The following SND1 variants were observed in gnomAD, a reference collection of about 807,000 sequenced individuals.
SND1 encodes staphylococcal nuclease domain-containing protein 1.
SND1 carries 38 observed loss-of-function variants against 121.7 expected under a neutral mutation model. The ratio of observed to expected loss-of-function variants is 0.31; its 90% CI spans 0.24 to 0.41. The LOEUF is 0.41. SND1 is among the 10% of genes least tolerant of loss of function. The probability of loss-of-function intolerance (pLI) is 1.00; values close to 1 mark genes in which losing one functional copy is unlikely to be tolerated. For synonymous variants in SND1, 401 were observed against 447.4 expected (o/e 0.90, Z 1.31); for missense variants, 868 against 1,184.6 (o/e 0.73, Z 3.92).
chr7:127,663,701 G>A (rs1239730929), intron 1 of SND1, among the ~76,000 whole-genome samples: 2 of 152,024 alleles, frequency 1.3e-5, no homozygotes, highest in African/African-American at 2.4e-5. Context: ...ATTGGTTGCC[G>A]GCCCCGCCAA....
chr7:127,757,669 A>G (rs1797221874), intron 10 of SND1, among the ~76,000 whole-genome samples: 1 of 152,192 alleles, frequency 6.6e-6, no homozygotes, highest in Non-Finnish European at 1.5e-5. Flanking sequence ...GCATTTGGAT[A>G]TCTTTTGTGA....
At chr7:127,832,735 CGG>C in intron 11 of SND1, among the ~76,000 whole-genome samples, 1 of 152,170 alleles carries the variant, frequency 6.6e-6, no homozygotes, top group African/African-American at 2.4e-5. Context: ...CCCCAAGCCC[CGG>C]ACTGCGGACC....
At chr7:128,013,283 A>G (rs892065867) in intron 16 of SND1, among the ~76,000 whole-genome samples, 3 of 152,080 alleles carry the variant, frequency 2.0e-5, no homozygotes, top group South Asian at 2.1e-4. Context: ...CTTAGACCAC[A>G]TTGTCATTGT....
intron 1 of SND1, among the ~76,000 whole-genome samples, chr7:127,652,900 G>A (rs1795147182): frequency 6.6e-6 from 1 of 151,896 alleles, no homozygotes; most frequent in Admixed American, 6.6e-5. Flanking sequence ...GCTGTTACTT[G>A]ACTCCCAAGT....
chr7:127,930,614 C>CA (rs546093400), intron 15 of SND1, among the ~76,000 whole-genome samples: 233 of 152,070 alleles, frequency 1.5e-3, no homozygotes, highest in African/African-American at 5.1e-3. Context: ...AGAAGAGATG[C>CA]AAAAAAATTC....
At chr7:127,740,529 A>G (rs1047418334) in intron 10 of SND1, among the ~76,000 whole-genome samples, 2 of 152,236 alleles carry the variant, frequency 1.3e-5, no homozygotes, top group African/African-American at 4.8e-5. Flanking sequence ...CTGTAGCAAC[A>G]TGGCTCAATC....
chr7:127,826,850 A>G (rs1338557076), intron 11 of SND1, among the ~76,000 whole-genome samples: 1 of 152,144 alleles, frequency 6.6e-6, no homozygotes, highest in Non-Finnish European at 1.5e-5. Flanking sequence ...TCATTAACAG[A>G]ATTTGGAGGT....
Position 127,929,398 on chromosome 7 carries a change from C to G in SND1, c.1669+69C>G, listed in dbSNP as rs563218811. The G allele has an allele frequency of 1.5e-4, 226 of 1,530,630 alleles. 2 individuals are homozygous for G. The South Asian group carries it at 2.4e-3, about 16-fold the overall frequency. 94.8% of individuals were successfully genotyped at this position (1,530,630 alleles called of 1,614,324 possible). A position where few individuals can be genotyped will look rare whatever the true frequency, so the allele number is the denominator to read the frequency against. ...CCCTGGAAACCACATACCCTCCTTTCCCCCTGTGTTCTAGATAGGCCCTAG... is the reference window on the plus strand; with the variant it reads ...CCCTGGAAACCACATACCCTCCTTTGCCCCTGTGTTCTAGATAGGCCCTAG... On this transcript the variant is annotated intron_variant, in intron 15 of 23. Transcript: ENST00000354725.
chr7:127,993,694 T>C (rs1169137115), intron 16 of SND1, among the ~76,000 whole-genome samples: 3 of 152,246 alleles, frequency 2.0e-5, no homozygotes, highest in Non-Finnish European at 4.4e-5. Context: ...CCCCATCCCT[T>C]CCCTTTAAAG....
intron 15 of SND1, among the ~76,000 whole-genome samples, chr7:127,953,995 GA>G (rs1325998805): frequency 6.6e-6 from 1 of 152,192 alleles, no homozygotes; most frequent in Non-Finnish European, 1.5e-5. Flanking sequence ...TTAGATTTGG[GA>G]AATTGAATTG....
At chr7:128,053,496 C>T (rs937021315) in intron 16 of SND1, among the ~76,000 whole-genome samples, 1 of 151,998 alleles carries the variant, frequency 6.6e-6, no homozygotes, top group Non-Finnish European at 1.5e-5. Context: ...CCAGAGATTT[C>T]GGAAGGTAAT....
chr7:127,765,562 A>G (rs1797396272), intron 10 of SND1, among the ~76,000 whole-genome samples: 1 of 152,240 alleles, frequency 6.6e-6, no homozygotes, highest in Admixed American at 6.5e-5. Flanking sequence ...ATCTCTTGTA[A>G]GTGCTGAGAG....
intron 9 of SND1, among the ~76,000 whole-genome samples, chr7:127,710,016 C>G (rs1361673155): frequency 6.6e-6 from 1 of 150,378 alleles, no homozygotes; most frequent in African/African-American, 2.5e-5. Context: ...CAAAGTTGAT[C>G]ATAGTGTCTG....
intron 10 of SND1, among the ~76,000 whole-genome samples, chr7:127,782,449 G>A (rs1294123337): frequency 2.0e-5 from 3 of 152,120 alleles, no homozygotes; most frequent in Admixed American, 6.5e-5. Flanking sequence ...TCATGTTAAG[G>A]CATCATTAAA....
intron 16 of SND1, chr7:128,032,187 C>T (rs1422760079): frequency 2.0e-5 from 3 of 151,872 alleles, no homozygotes; most frequent in African/African-American, 7.2e-5. Context: ...CCCTCCGTCG[C>T]CTGCCTCGCG....
At chr7:127,826,593 T>C (rs974058809) in intron 11 of SND1, among the ~76,000 whole-genome samples, 4 of 152,230 alleles carry the variant, frequency 2.6e-5, no homozygotes, top group Non-Finnish European at 5.9e-5. Context: ...TTTTATCTCA[T>C]TGAAAAAGTC....
At chr7:127,873,293 G>A (rs1799631736) in intron 12 of SND1, among the ~76,000 whole-genome samples, 1 of 152,048 alleles carries the variant, frequency 6.6e-6, no homozygotes, top group African/African-American at 2.4e-5. Flanking sequence ...CTAGTGGTGA[G>A]GTGACAGAGT....
intron 12 of SND1, among the ~76,000 whole-genome samples, chr7:127,884,090 C>G (rs1468628569): frequency 6.6e-6 from 1 of 152,038 alleles, no homozygotes; most frequent in East Asian, 1.9e-4. Flanking sequence ...TTTATTCAAA[C>G]AGTTATAATC....
rs143029802 is a variant in SND1 at position 127,928,777 on chromosome 7, G to C, written c.1528-411G>C. 3.3e-3 allele frequency among the ~76,000 whole-genome samples: 505 copies of C among 152,138 alleles called. 5 individuals are homozygous for C. The highest frequency in any genetic ancestry group is 0.012 in the African/African-American group (486 of 41,474). ...CTAATTTTTTTCTATTTTTAGTAGA[G>C]ACAGGGTTTTGCCATGTTGGCCAGG... is the stretch of plus-strand genomic sequence containing the variant. On this transcript the variant is annotated intron_variant, in intron 14 of 23. Coordinates refer to ENST00000354725, the MANE Select transcript of SND1 (RefSeq NM_014390.4).
Sources: gnomAD v4.1 joint callset for allele counts (sites outside exome capture counted in the v4.1 genomes callset) on GRCh38, gnomAD v4.1.1 for gene constraint, MANE v1.5 for transcripts, NCBI Gene and HGNC (gene_info 2026-07-23, HGNC 2026-07-21) for gene names.